CACNA2D3: variants seen among roughly 807,000 people sequenced by gnomAD.
The protein encoded by CACNA2D3 is voltage-dependent calcium channel subunit alpha-2/delta-3.
A neutral mutation model predicts 160.6 loss-of-function variants in CACNA2D3; 60 were observed. The observed-to-expected ratio is 0.37, with a 90% CI of 0.30 to 0.46. The LOEUF (loss-of-function observed/expected upper bound fraction) is 0.46. Among genes scored for constraint, CACNA2D3 ranks in the 20% least tolerant of loss-of-function variants. The probability of loss-of-function intolerance (pLI) is 1.00; values close to 1 mark genes in which losing one functional copy is unlikely to be tolerated. For missense variants in CACNA2D3, 1,205 were observed against 1,365.0 expected, an observed-to-expected ratio of 0.88 and a Z score of 1.85; for synonymous variants, 558 against 492.9, an observed-to-expected ratio of 1.13 and a Z score of -1.75.
chr3:54,275,703 C>T (rs536192115), intron 2 of CACNA2D3, among the ~76,000 whole-genome samples: 3 of 152,240 alleles, frequency 2.0e-5, no homozygotes, highest in South Asian at 2.1e-4. Flanking sequence ...CTGCAACCTC[C>T]GCCTTCTGGG....
chr3:54,475,182 T>TCTCA (rs922441038), intron 4 of CACNA2D3, among the ~76,000 whole-genome samples: 15 of 152,260 alleles, frequency 9.9e-5, no homozygotes, highest in African/African-American at 2.6e-4. Context: ...TGTGCTTTGG[T>TCTCA]CTCACCACCA....
intron 24 of CACNA2D3, among the ~76,000 whole-genome samples, chr3:54,890,495 C>CAAAAAAAAA (rs34740812): frequency 1.6e-5 from 1 of 60,818 alleles, no homozygotes; most frequent in African/African-American, 6.3e-5. Context: ...GACTCCGTCT[C>CAAAAAAAAA]AAAAAAAAAA....
chr3:54,826,054 T>G (rs1703741821), intron 14 of CACNA2D3, among the ~76,000 whole-genome samples: 1 of 152,230 alleles, frequency 6.6e-6, no homozygotes, highest in Non-Finnish European at 1.5e-5. Flanking sequence ...CCTGTATTGT[T>G]TGTGCACATT....
At chr3:54,965,946 C>A (rs1024080493) in intron 27 of CACNA2D3, among the ~76,000 whole-genome samples, 2 of 152,038 alleles carry the variant, frequency 1.3e-5, no homozygotes, top group Non-Finnish European at 2.9e-5. Context: ...AGAGAAGCAG[C>A]CTGCATGATT....
chr3:54,497,881 A>G (rs1701227020), intron 4 of CACNA2D3, among the ~76,000 whole-genome samples: 1 of 151,664 alleles, frequency 6.6e-6, no homozygotes, highest in Non-Finnish European at 1.5e-5. Context: ...TGTTCTGTTG[A>G]TGTGGTGAAT....
intron 11 of CACNA2D3, among the ~76,000 whole-genome samples, chr3:54,715,205 T>A (rs1174219491): frequency 6.6e-6 from 1 of 152,020 alleles, no homozygotes; most frequent in African/African-American, 2.4e-5. Flanking sequence ...CTTTCTAGAG[T>A]GGGTCACAGA....
In CACNA2D3 at chr3:54,769,989, A is replaced by G. The variant is rs115054257; in HGVS notation, c.1380+5638A>G. On this transcript the variant is annotated intron_variant, in intron 13 of 37. Transcript: ENST00000474759. The stretch of plus-strand genomic sequence containing the variant: ...CTAGCCAGGCAGAACCTTTCACCCC[A>G]ACACCCTTACTGAGGAGAGCCCTTG... Among the ~76,000 whole-genome samples, 788 of 152,270 alleles carry G rather than the reference A, an allele frequency of 5.2e-3. 10 individuals are homozygous for G. Among genetic ancestry groups the G allele is most frequent in the African/African-American group, 0.018 (753 of 41,560 alleles).
At chr3:54,442,520 A>G (rs1001240498) in intron 4 of CACNA2D3, among the ~76,000 whole-genome samples, 17 of 152,152 alleles carry the variant, frequency 1.1e-4, no homozygotes, top group Admixed American at 9.8e-4. Context: ...TTAACTGTCC[A>G]CTTGTGAACA....
rs188477485 is a variant in CACNA2D3 at position 54,803,331 on chromosome 3, A to G, written c.1381-13522A>G. On this transcript the variant is annotated intron_variant, in intron 13 of 37. Coordinates refer to ENST00000474759, the MANE Select transcript of CACNA2D3 (RefSeq NM_018398.3). ...CTTTGAAAAAAATTTAGACGAATGTATAAGTAGAATAACCAATACAGAGAA... is the reference window on the plus strand; with the variant it reads ...CTTTGAAAAAAATTTAGACGAATGTGTAAGTAGAATAACCAATACAGAGAA... Among the ~76,000 whole-genome samples the G allele has an allele frequency of 9.2e-5, 14 of 152,326 alleles. No homozygotes were observed. In the East Asian group the frequency reaches 2.3e-3, roughly 25 times the overall value.
At chr3:54,361,965 T>C (rs1575415351) in intron 3 of CACNA2D3, among the ~76,000 whole-genome samples, 1 of 152,314 alleles carries the variant, frequency 6.6e-6, no homozygotes, top group East Asian at 1.9e-4. Flanking sequence ...TTATGAAGAC[T>C]AACCATCAAC....
Position 54,298,114 on chromosome 3 carries a change from C to T in CACNA2D3, c.205-22328C>T, listed in dbSNP as rs150874605. Among the ~76,000 whole-genome samples, 19 of 152,288 alleles carry T rather than the reference C, an allele frequency of 1.2e-4. No individual in the cohort carries two copies. In the East Asian group the frequency reaches 3.3e-3, roughly 26 times the overall value. ...ATACCAGTGTGGTAGACCAAAGTGT[C>T]GCCCCAGGGAATGTAGGGACTTCTT... is the stretch of plus-strand genomic sequence containing the variant. On this transcript the variant is annotated intron_variant, in intron 2 of 37. Coordinates refer to ENST00000474759, the MANE Select transcript of CACNA2D3 (RefSeq NM_018398.3).
intron 2 of CACNA2D3, among the ~76,000 whole-genome samples, chr3:54,178,053 G>T (rs1202069438): frequency 6.6e-6 from 1 of 152,130 alleles, no homozygotes; most frequent in African/African-American, 2.4e-5. Context: ...TTTCCATAGA[G>T]ATGGAAGCAA....
intron 14 of CACNA2D3, among the ~76,000 whole-genome samples, chr3:54,824,712 A>G (rs897587084): frequency 7.2e-5 from 11 of 152,048 alleles, no homozygotes; most frequent in African/African-American, 2.2e-4. Context: ...CACGTCCCTT[A>G]TGGGATTTTC....
At chr3:54,910,333 A>G (rs151296470) in intron 27 of CACNA2D3, among the ~76,000 whole-genome samples, 3 of 152,114 alleles carry the variant, frequency 2.0e-5, no homozygotes, top group Non-Finnish European at 1.5e-5. Flanking sequence ...TATTTGTGTG[A>G]TGCATTACTC....
intron 35 of CACNA2D3, among the ~76,000 whole-genome samples, chr3:55,023,722 C>T (rs756371056): frequency 6.6e-6 from 1 of 151,950 alleles, no homozygotes; most frequent in Non-Finnish European, 1.5e-5. Flanking sequence ...CTATTAGTAA[C>T]GACTGCCTGG....
chr3:54,605,899 A>G (rs1698598223), intron 9 of CACNA2D3, among the ~76,000 whole-genome samples: 1 of 152,234 alleles, frequency 6.6e-6, no homozygotes, highest in Non-Finnish European at 1.5e-5. Flanking sequence ...TATTTGCTCC[A>G]GCTCATTTGA....
chr3:54,403,356 AACACACACACACACACACACACACAC>A (rs55779518), intron 4 of CACNA2D3, among the ~76,000 whole-genome samples: 2 of 137,700 alleles, frequency 1.5e-5, no homozygotes, highest in African/African-American at 5.5e-5. Flanking sequence ...CCCTATCTCA[AACACACACACACACACACACACACAC>A]ACACACACAC....
chr3:54,336,437 A>C (rs1169022602), intron 3 of CACNA2D3, among the ~76,000 whole-genome samples: 1 of 152,162 alleles, frequency 6.6e-6, no homozygotes, highest in African/African-American at 2.4e-5. Context: ...GCCCCAGCCT[A>C]TCAGTGGAAT....
chr3:54,983,593 CT>C (rs1223145387), intron 29 of CACNA2D3, among the ~76,000 whole-genome samples: 6 of 152,184 alleles, frequency 3.9e-5, no homozygotes, highest in Non-Finnish European at 8.8e-5. Flanking sequence ...GCTAGCAGGG[CT>C]TTTAATTTTC....
Sources: allele counts gnomAD v4.1 joint callset (sites outside exome capture counted in the v4.1 genomes callset), GRCh38; gene constraint gnomAD v4.1.1; transcripts MANE v1.5; gene names NCBI Gene and HGNC (gene_info 2026-07-23, HGNC 2026-07-21).